The following SYT14 variants were observed in gnomAD, a reference collection of about 807,000 sequenced individuals.
SYT14 encodes synaptotagmin 14.
Under a neutral mutation model 74.2 loss-of-function variants are expected in SYT14, and 32 were observed. The ratio of observed to expected loss-of-function variants is 0.43; its 90% CI spans 0.33 to 0.58. SYT14 has a LOEUF of 0.58. Among genes scored for constraint, SYT14 ranks in the 20% least tolerant of loss-of-function variants. The pLI is 0.05. For missense variants in SYT14, 791 were observed against 981.8 expected (o/e 0.81, Z 2.60); for synonymous variants, 298 against 337.7 (o/e 0.88, Z 1.29).
intron 2 of SYT14, among the ~76,000 whole-genome samples, chr1:210,001,829 A>G (rs1001655844): frequency 6.6e-6 from 1 of 152,178 alleles, no homozygotes; most frequent in Admixed American, 6.5e-5. Context: ...TCCAGGGAAA[A>G]ACAACCTGGC....
At chr1:209,958,357 T>C (rs930940817) in intron 2 of SYT14, among the ~76,000 whole-genome samples, 3 of 152,282 alleles carry the variant, frequency 2.0e-5, no homozygotes, top group South Asian at 2.1e-4. Flanking sequence ...AGTAATGTTA[T>C]AGCTATTTCT....
intron 5 of SYT14, among the ~76,000 whole-genome samples, chr1:210,034,714 G>A (rs1455952626): frequency 6.6e-6 from 1 of 151,772 alleles, no homozygotes; most frequent in African/African-American, 2.4e-5. Context: ...ACTTAAAAGT[G>A]GGATCATGCA....
At chr1:210,142,956 C>T (rs933249803) in intron 7 of SYT14, among the ~76,000 whole-genome samples, 3 of 152,134 alleles carry the variant, frequency 2.0e-5, no homozygotes, top group Non-Finnish European at 4.4e-5. Flanking sequence ...TGTTTTATAA[C>T]GGAGAAAAAT....
intron 5 of SYT14, among the ~76,000 whole-genome samples, chr1:210,033,476 A>G (rs2080586474): frequency 6.6e-6 from 1 of 151,816 alleles, no homozygotes; most frequent in South Asian, 2.1e-4. Flanking sequence ...AATAAATTAC[A>G]TTGAAATCTT....
chr1:209,990,527 A>ATATATATGTACGTATATATATACG (rs2079646330), intron 2 of SYT14, among the ~76,000 whole-genome samples: 1 of 12,818 alleles, frequency 7.8e-5, no homozygotes, highest in African/African-American at 3.1e-4. Flanking sequence ...TATTTCACAT[A>ATATATATGTACGTATATATATACG]TATATATATA....
chr1:210,021,068 G>C (rs966895198), exon 5 of SYT14: 1 of 1,613,786 alleles, frequency 6.2e-7, no homozygotes, highest in Non-Finnish European at 8.5e-7. Flanking sequence ...AGATGAGCAT[G>C]GTTCATCCTC....
rs149559904 is a variant in SYT14 at position 209,991,574 on chromosome 1, C to A, written c.-485-22059C>A. On this transcript the variant is annotated intron_variant, in intron 2 of 9. Coordinates refer to ENST00000637265, the Ensembl canonical transcript of SYT14. Reference sequence around the variant, plus strand: ...ATCAGAGAAATGCAAATTAAAACCACAAGGAGATACCGTCTTACACCAATC... The same window carrying A: ...ATCAGAGAAATGCAAATTAAAACCAAAAGGAGATACCGTCTTACACCAATC... Among the ~76,000 whole-genome samples the A allele has an allele frequency of 2.0e-3, 310 of 152,256 alleles. 1 individual carries two copies. Among genetic ancestry groups the A allele is most frequent in the African/African-American group, 6.8e-3 (281 of 41,560 alleles).
chr1:210,052,693 A>G (rs2081024593), intron 5 of SYT14, among the ~76,000 whole-genome samples: 1 of 149,280 alleles, frequency 6.7e-6, no homozygotes, highest in Admixed American at 6.8e-5. Flanking sequence ...AAGCTCTCCA[A>G]GCACAGAAAC....
chr1:210,107,578 A>G, intron 7 of SYT14, among the ~76,000 whole-genome samples: 1 of 152,220 alleles, frequency 6.6e-6, no homozygotes, highest in Non-Finnish European at 1.5e-5. Flanking sequence ...GAATGCTAAT[A>G]TGCTAATGTA....
intron 5 of SYT14, among the ~76,000 whole-genome samples, chr1:210,032,150 T>G (rs1036243866): frequency 6.6e-6 from 1 of 152,044 alleles, no homozygotes; most frequent in Non-Finnish European, 1.5e-5. Flanking sequence ...TGGAATCAAC[T>G]GAAGATGCTA....
chr1:210,162,363 GTAAAAGTTGTATAATGTGCTAACTTTT>G, exon 10 of SYT14: 1 of 439,920 alleles, frequency 2.3e-6, no homozygotes, highest in East Asian at 7.0e-5. Flanking sequence ...TCTGAAGTAT[GTAAAAGTTGTATAATGTGCTAACTTTT>G]TAATGGCAAG....
At chr1:210,146,789 ATATG>A (rs576750541) in intron 7 of SYT14, among the ~76,000 whole-genome samples, 317 of 151,016 alleles carry the variant, frequency 2.1e-3, no homozygotes, top group African/African-American at 7.5e-3. Context: ...CATACATACT[ATATG>A]TATGTAATAT....
rs577345229 is a variant in SYT14 at position 209,976,928 on chromosome 1, C to A, written c.-486+24172C>A. Among the ~76,000 whole-genome samples, 926 of 152,230 alleles carry A rather than the reference C, an allele frequency of 6.1e-3. 6 individuals are homozygous for A. The highest frequency in any genetic ancestry group is 0.018 in the African/African-American group (755 of 41,544). On this transcript the variant is annotated intron_variant, in intron 2 of 9. Transcript: ENST00000637265. ...TATATATTTAGGATAGTTAGCTCTT[C>A]TTGTTGAATTGATCCCTTTACCATT...
intron 2 of SYT14, among the ~76,000 whole-genome samples, chr1:209,996,623 C>A (rs961487866): frequency 1.3e-5 from 2 of 152,076 alleles, no homozygotes; most frequent in African/African-American, 4.8e-5. Flanking sequence ...CAGCATCACC[C>A]TAATACCAAA....
At chr1:210,124,403 A>T (rs1358702854) in intron 7 of SYT14, among the ~76,000 whole-genome samples, 2 of 152,154 alleles carry the variant, frequency 1.3e-5, no homozygotes, top group Non-Finnish European at 2.9e-5. Flanking sequence ...AACAGAGGGG[A>T]GGAAGTTGTA....
intron 2 of SYT14, among the ~76,000 whole-genome samples, chr1:209,995,284 A>G (rs1400624044): frequency 6.6e-6 from 1 of 152,218 alleles, no homozygotes; most frequent in Non-Finnish European, 1.5e-5. Flanking sequence ...CGCAAAGGAA[A>G]GGGATGGAGA....
chr1:209,958,925 C>A (rs185064037), intron 2 of SYT14, among the ~76,000 whole-genome samples: 3 of 151,876 alleles, frequency 2.0e-5, no homozygotes, highest in Admixed American at 6.6e-5. Flanking sequence ...CAAGTGTTGG[C>A]GAGGATGTGG....
chr1:209,991,714 C>T (rs938244748), intron 2 of SYT14, among the ~76,000 whole-genome samples: 14 of 152,018 alleles, frequency 9.2e-5, no homozygotes, highest in African/African-American at 3.4e-4. Flanking sequence ...CCTGTGGTCC[C>T]AGCTACTCGG....
chr1:210,152,380 T>A (rs569817037), intron 7 of SYT14, among the ~76,000 whole-genome samples: 1 of 152,316 alleles, frequency 6.6e-6, no homozygotes, highest in African/African-American at 2.4e-5. Context: ...TTTTAAAAAA[T>A]TTTAACTACA....
Sources: allele counts gnomAD v4.1 joint callset (sites outside exome capture counted in the v4.1 genomes callset), GRCh38; gene constraint gnomAD v4.1.1; transcripts MANE v1.5; gene names NCBI Gene and HGNC (gene_info 2026-07-23, HGNC 2026-07-21).